Variants in RAPGEF6 observed in about 807,000 individuals in gnomAD.
The protein encoded by RAPGEF6 is PDZ domain containing guanine nucleotide exchange factor (GEF) 2.
RAPGEF6 carries 56 observed loss-of-function variants against 171.4 expected under a neutral mutation model. The observed-to-expected ratio is 0.33, with a 90% CI of 0.26 to 0.41. The LOEUF (loss-of-function observed/expected upper bound fraction) is 0.41, where lower values mean the gene tolerates loss of function less well. RAPGEF6 is among the 10% of genes least tolerant of loss of function. RAPGEF6 has a pLI of 1.00. For missense variants in RAPGEF6, 1,674 were observed against 1,921.4 expected (o/e 0.87, Z 2.41); for synonymous variants, 692 against 650.1 (o/e 1.06, Z -0.98).
chr5:131,439,650 C>T lies in RAPGEF6; in HGVS notation c.3676G>A (p.Asp1226Asn). Residue 1226 changes from aspartate to asparagine, a missense_variant, in exon 24 of 28, where the codon GAC becomes AAC. By Grantham distance (23) the Asp-to-Asn change is conservative. Around this residue, in one of 3 missense-constraint regions of RAPGEF6, gnomAD observed 552 missense variants for 574.2 expected, o/e 0.96. Coordinates refer to ENST00000509018, the MANE Select transcript of RAPGEF6 (RefSeq NM_016340.6). ...AAAGATGACGCCACAGAAATAGTGTCTTCTGTATGCTTCTTACCACTTATT... is the reference window on the plus strand; with the variant it reads ...AAAGATGACGCCACAGAAATAGTGTTTTCTGTATGCTTCTTACCACTTATT... ...EEISGKKHTE[D>N]TISVASSLHS... The T allele has an allele frequency of 1.2e-6, 2 of 1,612,496 alleles. No homozygotes were observed. Among genetic ancestry groups the T allele is most frequent in the Middle Eastern group, 1.7e-4 (1 of 5,758 alleles).
chr5:131,475,939 C>T (rs1755059822), intron 16 of RAPGEF6, among the ~76,000 whole-genome samples: 1 of 152,120 alleles, frequency 6.6e-6, no homozygotes, highest in Non-Finnish European at 1.5e-5. Context: ...AGAGGTCTGG[C>T]ACACAGGAGA....
In RAPGEF6 at chr5:131,548,135, C is replaced by G; in HGVS notation, c.407G>C (p.Arg136Thr). The G allele has an allele frequency of 6.2e-7, 1 of 1,613,958 alleles. No individual in the cohort carries two copies. Among genetic ancestry groups the G allele is most frequent in the Middle Eastern group, 1.7e-4 (1 of 6,060 alleles). The change falls in exon 6 of 28, where the codon AGA (arginine) becomes ACA (threonine). Residue 136 changes from arginine (R) to threonine (T), a missense_variant. Arg to Thr is a moderately conservative substitution (Grantham distance 71). This residue lies in a region of RAPGEF6 where 1,116 missense variants were observed against 1,321.5 expected (regional missense o/e 0.84). Coordinates refer to ENST00000509018, the MANE Select transcript of RAPGEF6 (RefSeq NM_016340.6). ...DSILQREIPA[R>T]QSRRRFRKIN... ...TTTCCGAAATCTTCTTCGGGATTGT[C>G]TGGCAGGAATTTCTCTTTGTAGAAT...
At chr5:131,438,469 G>GAATAA (rs1752169111) in intron 24 of RAPGEF6, among the ~76,000 whole-genome samples, 1 of 152,186 alleles carries the variant, frequency 6.6e-6, no homozygotes, top group Non-Finnish European at 1.5e-5. Flanking sequence ...TCTCTCTCCT[G>GAATAA]TTAGAATTAT....
At chr5:131,612,006 T>C (rs1257385904) in intron 1 of RAPGEF6, among the ~76,000 whole-genome samples, 1 of 152,118 alleles carries the variant, frequency 6.6e-6, no homozygotes, top group Non-Finnish European at 1.5e-5. Flanking sequence ...AAAAGCGATA[T>C]GCATTCAGTG....
chr5:131,449,612 C>CT (rs750033257), intron 21 of RAPGEF6, among the ~76,000 whole-genome samples: 3 of 152,134 alleles, frequency 2.0e-5, no homozygotes, highest in African/African-American at 4.8e-5. Context: ...CATTAATGAA[C>CT]TAAAACTTTA....
At position 131,495,555 on chromosome 5, in the gene RAPGEF6, T is replaced by C. The variant is rs1281256167; in HGVS notation, c.1525A>G (p.Thr509Ala). The C allele has an allele frequency of 6.2e-7, 1 of 1,612,710 alleles. No homozygotes were observed. ...ATAGAAATTATTTTGAGCCTTACTG[T>C]ATCTTCCAGATTTTTTTCAAATTCC... ...LEEFEKNLED[T>A]KMNGHLRLLN... The change falls in exon 13 of 28, where the codon ACA (threonine) becomes GCA (alanine). Residue 509 changes from threonine (T) to alanine (A), a missense_variant and splice_region_variant. Physicochemically the swap from Thr to Ala is moderately conservative, Grantham distance 58 (BLOSUM62 0). Transcript: ENST00000509018.
chr5:131,559,226 G>A (rs1761436285), intron 5 of RAPGEF6, among the ~76,000 whole-genome samples: 1 of 152,180 alleles, frequency 6.6e-6, no homozygotes, highest in South Asian at 2.1e-4. Flanking sequence ...CTACCTGGGA[G>A]GCTGAGGCAG....
intron 8 of RAPGEF6, among the ~76,000 whole-genome samples, chr5:131,509,342 G>C (rs1175063069): frequency 6.6e-6 from 1 of 152,092 alleles, no homozygotes; most frequent in Non-Finnish European, 1.5e-5. Flanking sequence ...AGGAGATCGA[G>C]ACCATCCTGG....
intron 1 of RAPGEF6, among the ~76,000 whole-genome samples, chr5:131,633,433 T>C (rs937346997): frequency 2.6e-5 from 4 of 151,858 alleles, no homozygotes; most frequent in Admixed American, 1.3e-4. Flanking sequence ...ACAAGTAATG[T>C]TGAAAATTAA....
intron 13 of RAPGEF6, among the ~76,000 whole-genome samples, chr5:131,495,015 A>G (rs1329724569): frequency 1.3e-5 from 2 of 152,146 alleles, no homozygotes; most frequent in Non-Finnish European, 2.9e-5. Context: ...GATTTGGGCC[A>G]GGCGCCGTGG....
chr5:131,434,748 C>T (rs1419449316), intron 24 of RAPGEF6, among the ~76,000 whole-genome samples: 1 of 152,116 alleles, frequency 6.6e-6, no homozygotes, highest in Non-Finnish European at 1.5e-5. Context: ...ATTCTAGGGA[C>T]GCACTGAGGT....
chr5:131,448,330 A>G (rs1752851384), intron 21 of RAPGEF6, among the ~76,000 whole-genome samples: 1 of 152,212 alleles, frequency 6.6e-6, no homozygotes, highest in South Asian at 2.1e-4. Flanking sequence ...TATGTGAATA[A>G]AAATATTGAT....
At chr5:131,570,209 A>T (rs1488895138) in intron 4 of RAPGEF6, among the ~76,000 whole-genome samples, 4 of 152,166 alleles carry the variant, frequency 2.6e-5, no homozygotes, top group Non-Finnish European at 4.4e-5. Context: ...TCACCAAAGA[A>T]GATACAGGAA....
At chr5:131,629,541 C>T (rs1766161849) in intron 1 of RAPGEF6, among the ~76,000 whole-genome samples, 1 of 151,200 alleles carries the variant, frequency 6.6e-6, no homozygotes, top group Non-Finnish European at 1.5e-5. Flanking sequence ...ATTGCTTGGG[C>T]CCAGGAGTTC....
chr5:131,612,201 ATTTT>A (rs35306366), intron 1 of RAPGEF6, among the ~76,000 whole-genome samples: 1 of 83,328 alleles, frequency 1.2e-5, no homozygotes, highest in Non-Finnish European at 2.3e-5. Flanking sequence ...TGCTCAGCTA[ATTTT>A]TTTTTTTTTT....
In RAPGEF6 at chr5:131,576,358, C is replaced by T. The variant is rs114315978; in HGVS notation, c.282-14311G>A. On this transcript the variant is annotated intron_variant, in intron 4 of 27. Coordinates refer to ENST00000509018, the MANE Select transcript of RAPGEF6 (RefSeq NM_016340.6). ...AACGTGCCAAACTTATTGCTTTAAC[C>T]CGGGCTCTCACCCTTGCAAAGGGAC... Among the ~76,000 whole-genome samples the T allele has an allele frequency of 5.7e-3, 870 of 152,328 alleles. 6 individuals are homozygous for T. The highest frequency in any genetic ancestry group is 0.019 in the African/African-American group (801 of 41,574).
chr5:131,436,314 AG>A, intron 24 of RAPGEF6: 1 of 1,537,516 alleles, frequency 6.5e-7, no homozygotes, highest in Non-Finnish European at 8.7e-7. Flanking sequence ...TTTGCAAGTA[AG>A]CCCCACCTAT....
intron 3 of RAPGEF6, among the ~76,000 whole-genome samples, chr5:131,599,036 C>T (rs191465315): frequency 6.6e-6 from 1 of 152,260 alleles, no homozygotes; most frequent in East Asian, 1.9e-4. Flanking sequence ...TTAGGCCGAG[C>T]GTGGGGGCTC....
chr5:131,532,858 CT>C (rs1759489828), intron 6 of RAPGEF6: 1 of 152,548 alleles, frequency 6.6e-6, no homozygotes, highest in Admixed American at 6.5e-5. Flanking sequence ...TGATTTAAGT[CT>C]AGCTTTTCTG....
Sources: gnomAD v4.1 joint callset for allele counts (sites outside exome capture counted in the v4.1 genomes callset) on GRCh38, gnomAD v4.1.1 for gene constraint, gnomAD v4.1.1 regional missense constraint, MANE v1.5 for transcripts, NCBI Gene and HGNC (gene_info 2026-07-23, HGNC 2026-07-21) for gene names.